The following HYCC1 variants were observed in gnomAD, a reference collection of about 807,000 sequenced individuals.
HYCC1 encodes hyccin.
the HYCC1 span, among the ~76,000 whole-genome samples, chr7:22,958,306 T>C: frequency 1.3e-5 from 2 of 151,978 alleles, no homozygotes; most frequent in Non-Finnish European, 2.9e-5. Flanking sequence ...GACTTAAGAG[T>C]ATTTTAGAGT....
chr7:22,927,182 A>T, the HYCC1 span, among the ~76,000 whole-genome samples: 1 of 152,240 alleles, frequency 6.6e-6, no homozygotes, highest in Non-Finnish European at 1.5e-5. Flanking sequence ...CATTCAAAGA[A>T]GTGTGTAGAG....
chr7:22,896,935 T>C, the HYCC1 span, among the ~76,000 whole-genome samples: 2 of 152,078 alleles, frequency 1.3e-5, no homozygotes, highest in Non-Finnish European at 2.9e-5. Flanking sequence ...CTCACATACA[T>C]ATGGCAGAAA....
At chr7:22,913,983 T>C in the HYCC1 span, among the ~76,000 whole-genome samples, 1 of 152,152 alleles carries the variant, frequency 6.6e-6, no homozygotes, top group South Asian at 2.1e-4. Context: ...GTAAGCAGTC[T>C]TTTCACTCTC....
At chr7:22,942,424 G>A in the HYCC1 span, 1 of 152,124 alleles carries the variant, frequency 6.6e-6, no homozygotes, top group Admixed American at 6.6e-5. Flanking sequence ...GGAAGGGAAG[G>A]GAAGACATTT....
the HYCC1 span, among the ~76,000 whole-genome samples, chr7:22,973,922 G>A: frequency 6.6e-6 from 1 of 152,172 alleles, no homozygotes; most frequent in Admixed American, 6.5e-5. Context: ...GAAACGTCAA[G>A]AGTGGTTGGG....
chr7:22,988,050 T>G, the HYCC1 span, among the ~76,000 whole-genome samples: 1 of 152,230 alleles, frequency 6.6e-6, no homozygotes, highest in Non-Finnish European at 1.5e-5. Flanking sequence ...CTTTTCTATA[T>G]TCTATTACCT....
the HYCC1 span, among the ~76,000 whole-genome samples, chr7:22,902,612 C>T: frequency 6.6e-6 from 1 of 151,802 alleles, no homozygotes; most frequent in African/African-American, 2.4e-5. Flanking sequence ...ATAGACAGTC[C>T]AGAAATATGC....
the HYCC1 span, among the ~76,000 whole-genome samples, chr7:22,980,051 C>T: frequency 1.2e-4 from 18 of 152,246 alleles, no homozygotes; most frequent in Admixed American, 2.6e-4. Flanking sequence ...GACAAAGAGG[C>T]TATCCACTAT....
chr7:22,997,178 C>T, the HYCC1 span, among the ~76,000 whole-genome samples: 1 of 151,870 alleles, frequency 6.6e-6, no homozygotes. Flanking sequence ...TAACAATTAC[C>T]AAAATTTATC....
At chr7:22,940,239 T>TG in the HYCC1 span, 4 of 12,584 alleles carry the variant, frequency 3.2e-4, no homozygotes, top group African/African-American at 1.1e-3. Flanking sequence ...AGGTTCTGTT[T>TG]TTTTTTTTTT....
the HYCC1 span, among the ~76,000 whole-genome samples, chr7:22,932,215 TA>T: frequency 6.6e-6 from 1 of 152,100 alleles, no homozygotes; most frequent in Non-Finnish European, 1.5e-5. Context: ...ATGAGCTGCA[TA>T]GGAAGCAGAC....
At chr7:22,939,826 TTCTATGCAC>T in the HYCC1 span, 1 of 152,212 alleles carries the variant, frequency 6.6e-6, no homozygotes, top group Non-Finnish European at 1.5e-5. Flanking sequence ...AAAATGGGGA[TTCTATGCAC>T]TTTATAGGAT....
At chr7:23,000,561 G>A in the HYCC1 span, among the ~76,000 whole-genome samples, 2 of 151,948 alleles carry the variant, frequency 1.3e-5, no homozygotes, top group Admixed American at 6.6e-5. Context: ...AATATATCAT[G>A]GACATTTTTT....
chr7:23,001,622 T>A, the HYCC1 span, among the ~76,000 whole-genome samples: 1 of 152,150 alleles, frequency 6.6e-6, no homozygotes, highest in African/African-American at 2.4e-5. Flanking sequence ...GGTAGGGTAC[T>A]GGAGAAAAAG....
chr7:22,915,872 G>A, the HYCC1 span, among the ~76,000 whole-genome samples: 1 of 152,022 alleles, frequency 6.6e-6, no homozygotes, highest in Non-Finnish European at 1.5e-5. Flanking sequence ...TTATTAGGTC[G>A]AGACTTTTTA....
the HYCC1 span, among the ~76,000 whole-genome samples, chr7:22,997,992 A>T: frequency 5.5e-4 from 83 of 149,880 alleles, no homozygotes; most frequent in East Asian, 0.015. Flanking sequence ...GAACAATTAG[A>T]AGGTAAGAAG....
At chr7:22,923,997 A>G in the HYCC1 span, among the ~76,000 whole-genome samples, 2 of 48,280 alleles carry the variant, frequency 4.1e-5, no homozygotes, top group Non-Finnish European at 5.1e-5. Context: ...ACTTTAATGA[A>G]AAAAAAAAAA....
the HYCC1 span, among the ~76,000 whole-genome samples, chr7:22,966,990 A>C: frequency 6.6e-6 from 1 of 152,228 alleles, no homozygotes; most frequent in Non-Finnish European, 1.5e-5. Context: ...AGCAAACAAA[A>C]AATTTTACTT....
At chr7:22,928,224 A>G in the HYCC1 span, among the ~76,000 whole-genome samples, 16 of 151,696 alleles carry the variant, frequency 1.1e-4, no homozygotes, top group Admixed American at 2.0e-4. Flanking sequence ...CCCACAGCCA[A>G]TATCATACTG....
Sources: allele counts gnomAD v4.1 joint callset (sites outside exome capture counted in the v4.1 genomes callset), GRCh38; gene constraint gnomAD v4.1.1; transcripts MANE v1.5; gene names NCBI Gene and HGNC (gene_info 2026-07-23, HGNC 2026-07-21).